The following PPP1R12B variants were observed in gnomAD, a reference collection of about 807,000 sequenced individuals.
The protein encoded by PPP1R12B is protein phosphatase 1 regulatory subunit 12B.
A neutral mutation model predicts 126.1 loss-of-function variants in PPP1R12B; 76 were observed. The observed-to-expected ratio is 0.60, with a 90% CI of 0.50 to 0.73. The LOEUF (loss-of-function observed/expected upper bound fraction) is 0.73. Among genes scored for constraint, PPP1R12B ranks in the 30% least tolerant of loss-of-function variants. The probability of loss-of-function intolerance (pLI) is 0.00; values close to 1 mark genes in which losing one functional copy is unlikely to be tolerated. For missense variants in PPP1R12B, 1,052 were observed against 1,205.1 expected, an observed-to-expected ratio of 0.87 and a Z score of 1.88; for synonymous variants, 356 against 434.7, an observed-to-expected ratio of 0.82 and a Z score of 2.25.
At chr1:202,361,405 T>C (rs939970317) in intron 1 of PPP1R12B, among the ~76,000 whole-genome samples, 2 of 152,114 alleles carry the variant, frequency 1.3e-5, no homozygotes, top group African/African-American at 4.8e-5. Flanking sequence ...GTGCATCACA[T>C]AGAGCAGGAG....
intron 13 of PPP1R12B, among the ~76,000 whole-genome samples, chr1:202,455,082 G>A (rs1252144897): frequency 1.3e-5 from 2 of 152,082 alleles, no homozygotes; most frequent in African/African-American, 4.8e-5. Flanking sequence ...AGATACTGAG[G>A]TGGAAAGGTA....
At position 202,583,121 on chromosome 1, in the gene PPP1R12B, G is replaced by A. The variant is rs1689642475; in HGVS notation, c.*2561G>A. 1 of 152,114 alleles carries A rather than the reference G, an allele frequency of 6.6e-6. No homozygotes were observed. Among genetic ancestry groups the A allele is most frequent in the African/African-American group, 2.4e-5 (1 of 41,398 alleles). 9.4% of individuals were successfully genotyped at this position (152,114 alleles called of 1,614,324 possible). A position where few individuals can be genotyped will look rare whatever the true frequency, so the allele number is the denominator to read the frequency against. ...GTTTTATATCCTTCATTCTGGGAGA[G>A]GAAATCAACATAAGGTGTTGACTAA... On this transcript the variant is annotated 3_prime_UTR_variant, in exon 24 of 24. Coordinates refer to ENST00000608999, the MANE Select transcript of PPP1R12B (RefSeq NM_002481.4).
intron 12 of PPP1R12B, among the ~76,000 whole-genome samples, chr1:202,444,168 C>T (rs1288792995): frequency 6.6e-6 from 1 of 152,114 alleles, no homozygotes; most frequent in Non-Finnish European, 1.5e-5. Context: ...ATATACATTC[C>T]ATTTTCATCT....
chr1:202,570,783 G>A (rs982269848), intron 23 of PPP1R12B, among the ~76,000 whole-genome samples: 5 of 152,042 alleles, frequency 3.3e-5, no homozygotes, highest in African/African-American at 1.2e-4. Flanking sequence ...TCATCCTCCC[G>A]AATAGCTGGG....
At chr1:202,502,140 A>T (rs997930682) in intron 18 of PPP1R12B, 2 of 985,366 alleles carry the variant, frequency 2.0e-6, no homozygotes, top group African/African-American at 1.7e-5. Context: ...AAAGTTAGCA[A>T]TGTAGCTGTC....
chr1:202,451,595 C>A (rs1258232057), intron 13 of PPP1R12B, among the ~76,000 whole-genome samples: 1 of 152,064 alleles, frequency 6.6e-6, no homozygotes, highest in Non-Finnish European at 1.5e-5. Context: ...CGGCAACCAT[C>A]CGATTTCTCA....
At chr1:202,506,057 T>C (rs1680767329) in intron 18 of PPP1R12B, among the ~76,000 whole-genome samples, 1 of 152,188 alleles carries the variant, frequency 6.6e-6, no homozygotes. Context: ...CAAGCTGTCC[T>C]GGATTTCTGC....
At chr1:202,563,019 G>A in intron 20 of PPP1R12B, 97 bp downstream of exon 20, 1 of 1,351,720 alleles carries the variant, frequency 7.4e-7, no homozygotes, top group Non-Finnish European at 9.8e-7. Flanking sequence ...CTCTGAATAA[G>A]CAGAAGAAAA....
At chr1:202,511,101 A>G (rs1681440863) in intron 18 of PPP1R12B, among the ~76,000 whole-genome samples, 1 of 148,434 alleles carries the variant, frequency 6.7e-6, no homozygotes, top group Admixed American at 6.8e-5. Context: ...TTTAAAGTTT[A>G]TTTCAATAAT....
chr1:202,439,658 T>G, intron 10 of PPP1R12B: 4 of 716,484 alleles, frequency 5.6e-6, no homozygotes, highest in Non-Finnish European at 9.8e-6. Flanking sequence ...CTGCCCTTCC[T>G]GGTCCGGCCC....
rs554756843 is a variant in PPP1R12B at position 202,364,690 on chromosome 1, T to C, written c.291+15548T>C. On this transcript the variant is annotated intron_variant, in intron 1 of 23. Transcript: ENST00000608999. ...CTCCTGGGTTCACGCCATTCTCCTGTTTCAGCCTCCCGAGTAGCTGGGACT... is the reference window on the plus strand; with the variant it reads ...CTCCTGGGTTCACGCCATTCTCCTGCTTCAGCCTCCCGAGTAGCTGGGACT... Among the ~76,000 whole-genome samples the C allele has an allele frequency of 5.6e-3, 859 of 152,154 alleles. 9 individuals carry two copies. The highest frequency in any genetic ancestry group is 0.038 in the Middle Eastern group (11 of 292).
At position 202,449,128 on chromosome 1, in the gene PPP1R12B, A is replaced by G. The variant is rs1170347715; in HGVS notation, c.1807A>G (p.Ile603Val). The G allele has an allele frequency of 2.5e-6, 4 of 1,613,158 alleles. No individual in the cohort carries two copies. The highest frequency in any genetic ancestry group is 3.4e-6 in the Non-Finnish European group (4 of 1,179,546). ...NGVTATPVLS[I>V]TGTDSSVEAR... The stretch of plus-strand genomic sequence containing the variant: ...GGTTACAGCTACTCCTGTGCTCTCC[A>G]TTACTGGAACAGATTCCTCTGTGGA... The change falls in exon 13 of 24, where the codon ATT becomes GTT. Residue 603 changes from isoleucine to valine, a missense_variant. By Grantham distance (29) the Ile-to-Val change is conservative (BLOSUM62 3). Coordinates refer to ENST00000608999, the MANE Select transcript of PPP1R12B (RefSeq NM_002481.4).
chr1:202,514,484 C>T (rs532172580), intron 18 of PPP1R12B, among the ~76,000 whole-genome samples: 138 of 152,220 alleles, frequency 9.1e-4, no homozygotes, highest in South Asian at 5.4e-3. Flanking sequence ...TTGGTGTCCT[C>T]GTCATGAAAT....
chr1:202,386,795 A>G (rs1663216592), intron 1 of PPP1R12B, among the ~76,000 whole-genome samples: 1 of 150,448 alleles, frequency 6.6e-6, no homozygotes, highest in Non-Finnish European at 1.5e-5. Context: ...TTTGATTTTT[A>G]TAATATGCTA....
chr1:202,567,482 C>A, intron 21 of PPP1R12B: 1 of 351,576 alleles, frequency 2.8e-6, no homozygotes. Flanking sequence ...CATTGAAGAC[C>A]TGTGGAGAGA....
At chr1:202,398,342 A>C (rs919419562) in intron 1 of PPP1R12B, among the ~76,000 whole-genome samples, 5 of 152,262 alleles carry the variant, frequency 3.3e-5, no homozygotes, top group African/African-American at 1.2e-4. Context: ...ATGTGACATT[A>C]ACTTAGAAAA....
chr1:202,388,481 C>T (rs2148513476), intron 1 of PPP1R12B, among the ~76,000 whole-genome samples: 1 of 152,324 alleles, frequency 6.6e-6, no homozygotes, highest in Middle Eastern at 3.4e-3. Flanking sequence ...GCTGGGATTA[C>T]AGGTGTGAGC....
chr1:202,372,015 G>A (rs141838518), intron 1 of PPP1R12B, among the ~76,000 whole-genome samples: 3,444 of 151,904 alleles, frequency 0.023, 133 homozygotes, highest in African/African-American at 0.077. Context: ...GGGATTACAG[G>A]CACGTGCCAC....
chr1:202,375,337 G>A (rs942005776), intron 1 of PPP1R12B, among the ~76,000 whole-genome samples: 17 of 152,182 alleles, frequency 1.1e-4, no homozygotes, highest in Admixed American at 8.5e-4. Flanking sequence ...CTGTTCTCTA[G>A]TCTCACTTCT....
Sources: allele counts gnomAD v4.1 joint callset (sites outside exome capture counted in the v4.1 genomes callset), GRCh38; gene constraint gnomAD v4.1.1; transcripts MANE v1.5; gene names NCBI Gene and HGNC (gene_info 2026-07-23, HGNC 2026-07-21).